RBFOX3: variants seen among roughly 807,000 people sequenced by gnomAD.
The protein encoded by RBFOX3 is RNA binding protein fox-1 homolog 3.
RBFOX3 carries 17 observed loss-of-function variants against 48.7 expected under a neutral mutation model. That is an observed-to-expected ratio of 0.35 (90% CI 0.24 to 0.52). The LOEUF is 0.52. RBFOX3 is among the 20% of genes least tolerant of loss of function. The probability of loss-of-function intolerance (pLI) is 0.94; values close to 1 mark genes in which losing one functional copy is unlikely to be tolerated. For missense variants in RBFOX3, 382 were observed against 497.5 expected (o/e 0.77, Z 2.21); for synonymous variants, 212 against 209.5 (o/e 1.01, Z -0.10).
At chr17:79,342,113 G>A (rs1182032064) in intron 2 of RBFOX3, among the ~76,000 whole-genome samples, 1 of 152,218 alleles carries the variant, frequency 6.6e-6, no homozygotes, top group African/African-American at 2.4e-5. Context: ...ACCTCGTGGT[G>A]CAGCTCGTGT....
At chr17:79,138,641 ACACACGCACATACACAG>A (rs2040858240) in intron 4 of RBFOX3, among the ~76,000 whole-genome samples, 1 of 121,534 alleles carries the variant, frequency 8.2e-6, no homozygotes, top group African/African-American at 2.9e-5. Flanking sequence ...CTCCTCACCC[ACACACGCACATACACAG>A]CACATGCATT....
chr17:79,209,349 A>AG (rs1335208157), intron 4 of RBFOX3, among the ~76,000 whole-genome samples: 1 of 152,230 alleles, frequency 6.6e-6, no homozygotes, highest in African/African-American at 2.4e-5. Context: ...GGGACCTCCC[A>AG]GGGGGCAGGG....
In RBFOX3 at chr17:79,479,526, T is replaced by C. The variant is rs769128530; in HGVS notation, c.-175+2928A>G. On this transcript the variant is annotated intron_variant, in intron 2 of 14. Coordinates refer to ENST00000693108, the MANE Select transcript of RBFOX3 (RefSeq NM_001350451.2). The surrounding 1 kb of genome is among the most constrained non-coding windows in gnomAD (Gnocchi z 5.1). ...GAAAAGGAAGACTCTGAAAGGCAGA[T>C]TCCTCACTTCACAATTCAGAGCACA... Among the ~76,000 whole-genome samples, 5 of 152,190 alleles carry C rather than the reference T, an allele frequency of 3.3e-5. No homozygotes were observed. The highest frequency in any genetic ancestry group is 2.1e-4 in the South Asian group (1 of 4,828).
intron 2 of RBFOX3, among the ~76,000 whole-genome samples, chr17:79,375,432 G>A (rs1165823713): frequency 2.0e-5 from 3 of 151,910 alleles, no homozygotes; most frequent in Non-Finnish European, 2.9e-5. Context: ...TGTTGAGGGT[G>A]TGTATTTGGG....
intron 2 of RBFOX3, among the ~76,000 whole-genome samples, chr17:79,385,284 G>A (rs1360053113): frequency 6.6e-6 from 1 of 152,200 alleles, no homozygotes; most frequent in Non-Finnish European, 1.5e-5. Context: ...CCAGCAGGGC[G>A]GGGAGGCTGC....
chr17:79,383,934 G>A (rs1046928827), intron 2 of RBFOX3, among the ~76,000 whole-genome samples: 1 of 150,348 alleles, frequency 6.7e-6, no homozygotes, highest in South Asian at 2.1e-4. Flanking sequence ...GAATGTCAGA[G>A]GGGGGGGCAA....
intron 1 of RBFOX3, among the ~76,000 whole-genome samples, chr17:79,507,762 C>T (rs2083383813): frequency 6.6e-6 from 1 of 152,146 alleles, no homozygotes; most frequent in Non-Finnish European, 1.5e-5. Context: ...TAATGACCAC[C>T]CCAAAGGGAG....
chr17:79,300,388 G>A (rs1406737492), intron 3 of RBFOX3, among the ~76,000 whole-genome samples: 1 of 152,228 alleles, frequency 6.6e-6, no homozygotes, highest in Non-Finnish European at 1.5e-5. Context: ...ATCAGAAAGG[G>A]AAGTGGGTGA....
chr17:79,163,299 C>G (rs797008646), intron 4 of RBFOX3, among the ~76,000 whole-genome samples: 7 of 152,336 alleles, frequency 4.6e-5, no homozygotes, highest in African/African-American at 1.7e-4. Context: ...AAGCCGCAGG[C>G]CCGGGGCCTC....
chr17:79,122,969 G>A (rs903829395), intron 4 of RBFOX3, among the ~76,000 whole-genome samples: 13 of 151,856 alleles, frequency 8.6e-5, no homozygotes, highest in Non-Finnish European at 1.6e-4. Flanking sequence ...GACAAACATC[G>A]CATGTTCTCA....
At position 79,123,614 on chromosome 17, in the gene RBFOX3, C is replaced by T. The variant is rs114000460; in HGVS notation, c.-33-7866G>A. ...GGATCAATGCCCAGATGAAGAAAGA[C>T]GTCTCGGTGGGCGTGCTCGCTGACC... On this transcript the variant is annotated intron_variant, in intron 4 of 14. Coordinates refer to ENST00000693108, the MANE Select transcript of RBFOX3 (RefSeq NM_001350451.2). 5.0e-3 allele frequency among the ~76,000 whole-genome samples: 757 copies of T among 152,254 alleles called. 8 individuals are homozygous for T. The highest frequency in any genetic ancestry group is 0.016 in the African/African-American group (666 of 41,556).
intron 2 of RBFOX3, among the ~76,000 whole-genome samples, chr17:79,464,185 T>C (rs782180320): frequency 2.0e-5 from 3 of 152,252 alleles, no homozygotes; most frequent in Non-Finnish European, 2.9e-5. Flanking sequence ...GCGAGGCCTC[T>C]GCGAAACGGG....
chr17:79,293,612 C>T (rs911276477), intron 3 of RBFOX3, among the ~76,000 whole-genome samples: 1 of 151,988 alleles, frequency 6.6e-6, no homozygotes, highest in Non-Finnish European at 1.5e-5. Flanking sequence ...ACCACCATGC[C>T]TGGCTAATTT....
intron 1 of RBFOX3, among the ~76,000 whole-genome samples, chr17:79,501,377 C>T (rs1253847867): frequency 6.6e-6 from 1 of 152,204 alleles, no homozygotes; most frequent in Non-Finnish European, 1.5e-5. Flanking sequence ...TTGTCTGCAG[C>T]CCTCAGGCCC....
At chr17:79,149,580 A>G (rs2043857564) in intron 4 of RBFOX3, among the ~76,000 whole-genome samples, 1 of 151,960 alleles carries the variant, frequency 6.6e-6, no homozygotes, top group Admixed American at 6.6e-5. Flanking sequence ...GGGTCCGTGG[A>G]CGATTCCTCC....
chr17:79,159,242 C>T (rs2046447276), intron 4 of RBFOX3, among the ~76,000 whole-genome samples: 1 of 152,180 alleles, frequency 6.6e-6, no homozygotes, highest in Admixed American at 6.5e-5. Context: ...CCCATGTGTC[C>T]ACTTATGGGA....
chr17:79,481,209 G>T lies in RBFOX3; in HGVS notation c.-175+1245C>A, dbSNP rs995128331. Among the ~76,000 whole-genome samples, 3 of 152,198 alleles carry T rather than the reference G, an allele frequency of 2.0e-5. No homozygotes were observed. The highest frequency in any genetic ancestry group is 7.2e-5 in the African/African-American group (3 of 41,442). Reference sequence around the variant, plus strand: ...TCCGGGCCTCTGGTCTCTTTGTCCAGGGTTCTCGTCGGCATCATCTGCTCA... The same window carrying T: ...TCCGGGCCTCTGGTCTCTTTGTCCATGGTTCTCGTCGGCATCATCTGCTCA... On this transcript the variant is annotated intron_variant, in intron 2 of 14. Transcript: ENST00000693108. The surrounding 1 kb of genome is among the most constrained non-coding windows in gnomAD (Gnocchi z 5.4).
At chr17:79,093,879 C>T (rs2074565607) in intron 14 of RBFOX3, among the ~76,000 whole-genome samples, 1 of 152,072 alleles carries the variant, frequency 6.6e-6, no homozygotes, top group South Asian at 2.1e-4. Flanking sequence ...ACCCCACAGC[C>T]TGAGGGAGGA....
At chr17:79,093,245 C>T (rs962794590) in intron 14 of RBFOX3, among the ~76,000 whole-genome samples, 5 of 152,186 alleles carry the variant, frequency 3.3e-5, no homozygotes, top group African/African-American at 1.2e-4. Flanking sequence ...GGGCTGCCTC[C>T]AGTCAGGGAA....
Sources: allele counts gnomAD v4.1 joint callset (sites outside exome capture counted in the v4.1 genomes callset), GRCh38; gene constraint gnomAD v4.1.1; non-coding constraint Gnocchi (gnomAD v3.1); transcripts MANE v1.5; gene names NCBI Gene and HGNC (gene_info 2026-07-23, HGNC 2026-07-21).